MAP4: variants seen among roughly 807,000 people sequenced by gnomAD.
MAP4 encodes the protein microtubule associated protein 4.
In MAP4, 76 loss-of-function variants were observed where a neutral mutation model predicts 170.2. That is an observed-to-expected ratio of 0.45 (90% CI 0.37 to 0.54). The LOEUF (loss-of-function observed/expected upper bound fraction) is 0.54, where lower values mean the gene tolerates loss of function less well. Ranked by LOEUF, MAP4 falls within the 20% of genes least tolerant of loss-of-function variation. The pLI is 0.00. For synonymous variants in MAP4, 909 were observed against 994.5 expected, an observed-to-expected ratio of 0.91 and a Z score of 1.62; for missense variants, 2,506 against 2,748.0, an observed-to-expected ratio of 0.91 and a Z score of 1.97.
Position 47,917,249 on chromosome 3 carries a change from G to C in MAP4, c.653-75C>G, listed in dbSNP as rs1035531072. 4 of 1,253,300 alleles carry C rather than the reference G, an allele frequency of 3.2e-6. No individual in the cohort carries two copies. In the Admixed American group the frequency reaches 8.2e-5, roughly 26 times the overall value. 77.6% of individuals were successfully genotyped at this position (1,253,300 alleles called of 1,614,324 possible). ...AAAAATGCTTACTTTCTTCAGGCAT[G>C]AGAGTATTTGGCTTTTGTGACCATA... On this transcript the variant is annotated intron_variant, in intron 6 of 20. Coordinates refer to ENST00000683076, the MANE Select transcript of MAP4 (RefSeq NM_001385682.1).
At chr3:47,966,640 A>G (rs2100075237) in intron 3 of MAP4, among the ~76,000 whole-genome samples, 1 of 152,046 alleles carries the variant, frequency 6.6e-6, no homozygotes, top group Admixed American at 6.6e-5. Flanking sequence ...TTGGCCTCCC[A>G]AAGCGCTGGG....
chr3:48,021,508 C>T (rs1383566878), intron 1 of MAP4, among the ~76,000 whole-genome samples: 2 of 152,198 alleles, frequency 1.3e-5, no homozygotes, highest in African/African-American at 4.8e-5. Flanking sequence ...CCACCACATC[C>T]GGCTAATTTT....
At chr3:47,951,398 G>A (rs927457538) in intron 3 of MAP4, among the ~76,000 whole-genome samples, 8 of 152,038 alleles carry the variant, frequency 5.3e-5, no homozygotes, top group South Asian at 2.1e-4. Context: ...CTCTGATGCC[G>A]AGCCGAAGCT....
intron 1 of MAP4, among the ~76,000 whole-genome samples, chr3:48,059,706 G>A (rs2100134176): frequency 6.6e-6 from 1 of 151,424 alleles, no homozygotes; most frequent in Admixed American, 6.6e-5. Flanking sequence ...AGGCTGAAGC[G>A]GGTGGCTCAC....
intron 1 of MAP4, among the ~76,000 whole-genome samples, chr3:48,010,487 T>A (rs924890566): frequency 6.6e-6 from 1 of 152,164 alleles, no homozygotes; most frequent in Non-Finnish European, 1.5e-5. Flanking sequence ...GGGTTGGGGA[T>A]TGGTGTGTTT....
chr3:47,940,389 A>AT (rs1356470162), intron 3 of MAP4, among the ~76,000 whole-genome samples: 1 of 152,338 alleles, frequency 6.6e-6, no homozygotes, highest in Middle Eastern at 3.4e-3. Context: ...TTCAGAATAA[A>AT]TTTTTTAGCA....
At chr3:48,079,660 G>GA (rs1196011088) in intron 1 of MAP4, among the ~76,000 whole-genome samples, 53 of 138,996 alleles carry the variant, frequency 3.8e-4, no homozygotes, top group African/African-American at 1.2e-3. Context: ...ATCTTAAAAA[G>GA]AAAAAAAAAG....
chr3:47,955,085 C>T (rs988997642), intron 3 of MAP4, among the ~76,000 whole-genome samples: 2 of 152,126 alleles, frequency 1.3e-5, no homozygotes, highest in Non-Finnish European at 2.9e-5. Context: ...CTTGATTTAA[C>T]TCGCCAGTTT....
At chr3:47,978,652 G>T (rs1379463749) in intron 2 of MAP4, among the ~76,000 whole-genome samples, 1 of 151,714 alleles carries the variant, frequency 6.6e-6, no homozygotes, top group Non-Finnish European at 1.5e-5. Flanking sequence ...TTCCCACACA[G>T]GAAATCCAGG....
intron 1 of MAP4, among the ~76,000 whole-genome samples, chr3:48,035,686 T>C (rs2100118447): frequency 6.6e-6 from 1 of 152,024 alleles, no homozygotes. Context: ...ACACTTGTAA[T>C]CCCAGCACTT....
chr3:47,867,421 G>T, intron 16 of MAP4, 83 bp from the exon 17 acceptor site: 1 of 858,332 alleles, frequency 1.2e-6, no homozygotes, highest in Non-Finnish European at 2.0e-6. Context: ...GAGTCCACAC[G>T]TGATCACAAT....
chr3:47,893,753 AG>A (rs1218895885), intron 10 of MAP4, among the ~76,000 whole-genome samples: 3 of 151,374 alleles, frequency 2.0e-5, no homozygotes, highest in Non-Finnish European at 4.4e-5. Flanking sequence ...GAAAAGATTT[AG>A]ATTGCTTTTT....
chr3:47,891,011 T>C, intron 10 of MAP4: 1 of 1,458,048 alleles, frequency 6.9e-7, no homozygotes, highest in Non-Finnish European at 9.0e-7. Context: ...GGAGGCAAAA[T>C]TTAGAAACAT....
rs373566449 is a variant in MAP4, at chr3:47,944,250, C to T, written c.293-15900G>A. On this transcript the variant is annotated intron_variant, in intron 3 of 20. Coordinates refer to ENST00000683076, the MANE Select transcript of MAP4 (RefSeq NM_001385682.1). ...GCTTGAACCTGGGAGGCGGAGGTTG[C>T]AGTGAGCCAAGATCACGTCACTGCA... is the stretch of plus-strand genomic sequence containing the variant. 7.2e-5 allele frequency among the ~76,000 whole-genome samples: 11 copies of T among 152,164 alleles called. No homozygotes were observed. In the East Asian group the frequency reaches 2.1e-3, roughly 29 times the overall value.
intron 3 of MAP4, among the ~76,000 whole-genome samples, chr3:47,953,069 G>A (rs1302073534): frequency 6.6e-6 from 1 of 152,156 alleles, no homozygotes; most frequent in African/African-American, 2.4e-5. Context: ...GGATCAAAAA[G>A]GGGTTGATTG....
intron 8 of MAP4, 50 bp downstream of exon 8, chr3:47,914,767 C>CT: frequency 6.2e-7 from 1 of 1,610,638 alleles, no homozygotes; most frequent in Non-Finnish European, 8.5e-7. Context: ...CATCACTACT[C>CT]TATCGCCCCT....
chr3:48,016,544 A>G (rs944071822), upstream of MAP4: 1 of 152,234 alleles, frequency 6.6e-6, no homozygotes, highest in African/African-American at 2.4e-5. Flanking sequence ...TGACAATGAC[A>G]CAGCACTTAC....
chr3:47,857,611 C>A, intron 17 of MAP4, 99 bp from the exon 18 acceptor site: 1 of 792,408 alleles, frequency 1.3e-6, no homozygotes. Flanking sequence ...CAGGGTTTCT[C>A]GCTCCCTCTG....
rs143669663 is a variant in MAP4 at position 47,871,982 on chromosome 3, G to A, written c.5876C>T (p.Ala1959Val). The A allele has an allele frequency of 6.2e-7, 1 of 1,614,010 alleles. No homozygotes were observed. Among genetic ancestry groups the A allele is most frequent in the Non-Finnish European group, 8.5e-7 (1 of 1,179,988 alleles). ...GCTTGGGCCAGTTGAGGCAACAGCA[G>A]CAGCTGTTGTGGTTTTTGCAACAGT... ...TQTVAKTTTA[A>V]AVASTGPSSR... The change falls in exon 13 of 21, where the codon GCT becomes GTT. Residue 1959 changes from alanine to valine, a missense_variant. Physicochemically the swap from Ala to Val is moderately conservative, Grantham distance 64 (BLOSUM62 0). Transcript: ENST00000683076.
Sources: allele counts gnomAD v4.1 joint callset (sites outside exome capture counted in the v4.1 genomes callset), GRCh38; gene constraint gnomAD v4.1.1; transcripts MANE v1.5; gene names NCBI Gene and HGNC (gene_info 2026-07-23, HGNC 2026-07-21).